The following FOXP1 variants were observed in gnomAD, a reference collection of about 807,000 sequenced individuals.
FOXP1 encodes the protein forkhead box protein P1.
FOXP1 carries 15 observed loss-of-function variants against 98.2 expected under a neutral mutation model. The ratio of observed to expected loss-of-function variants is 0.15; its 90% CI spans 0.10 to 0.24. FOXP1 has a LOEUF of 0.24. FOXP1 is among the 10% of genes least tolerant of loss of function. The pLI, the probability that FOXP1 is intolerant of heterozygous loss-of-function variation, is 1.00. For synonymous variants in FOXP1, 371 were observed against 314.5 expected (o/e 1.18, Z -1.90); for missense variants, 633 against 848.5 (o/e 0.75, Z 3.15).
chr3:71,492,132 C>T (rs370465036), intron 3 of FOXP1, among the ~76,000 whole-genome samples: 7 of 152,108 alleles, frequency 4.6e-5, no homozygotes, highest in African/African-American at 1.7e-4. Context: ...GGATAGGATC[C>T]TCTAACCTAC....
chr3:71,196,944 C>T (rs765908197), intron 6 of FOXP1, among the ~76,000 whole-genome samples: 2 of 152,310 alleles, frequency 1.3e-5, no homozygotes, highest in African/African-American at 2.4e-5. Flanking sequence ...TCCTTTCTTT[C>T]GCTTTGTTGC....
intron 2 of FOXP1, among the ~76,000 whole-genome samples, chr3:71,498,101 C>T (rs1171057233): frequency 2.0e-5 from 3 of 152,186 alleles, no homozygotes; most frequent in Non-Finnish European, 4.4e-5. Context: ...TGTGGCTACT[C>T]CAAATGCCAC....
intron 6 of FOXP1, among the ~76,000 whole-genome samples, chr3:71,148,999 G>C (rs1172110267): frequency 1.3e-5 from 2 of 152,232 alleles, no homozygotes; most frequent in African/African-American, 2.4e-5. Context: ...AGAGCTTGAA[G>C]GGTAAAGACA....
At chr3:71,170,244 A>AT (rs2061583845) in intron 6 of FOXP1, among the ~76,000 whole-genome samples, 3 of 152,192 alleles carry the variant, frequency 2.0e-5, no homozygotes, top group African/African-American at 7.2e-5. Flanking sequence ...ATTTAAAGTG[A>AT]ACTGCAAAAC....
chr3:71,425,542 G>A (rs2084082695), intron 3 of FOXP1, among the ~76,000 whole-genome samples: 1 of 152,012 alleles, frequency 6.6e-6, no homozygotes, highest in Admixed American at 6.6e-5. Context: ...TCAACTTCCT[G>A]GTGTATAACC....
At chr3:71,537,206 C>T (rs1263193044) in intron 2 of FOXP1, among the ~76,000 whole-genome samples, 4 of 152,168 alleles carry the variant, frequency 2.6e-5, no homozygotes, top group East Asian at 1.9e-4. Flanking sequence ...ATCTGCCTCC[C>T]GAAAGACAGA....
chr3:71,088,191 G>A (rs559786594), intron 7 of FOXP1, among the ~76,000 whole-genome samples: 15 of 152,206 alleles, frequency 9.9e-5, no homozygotes, highest in South Asian at 6.2e-4. Flanking sequence ...GCTCTTCCCC[G>A]AACCTGAAAC....
intron 12 of FOXP1, among the ~76,000 whole-genome samples, chr3:71,004,816 C>T (rs973176304): frequency 6.6e-6 from 1 of 152,048 alleles, no homozygotes; most frequent in Non-Finnish European, 1.5e-5. Context: ...GGAATATTTT[C>T]TTTTGGTCAC....
At chr3:71,348,522 CGTGTGT>C (rs772944612) in intron 4 of FOXP1, among the ~76,000 whole-genome samples, 2,080 of 69,984 alleles carry the variant, frequency 0.03, 51 homozygotes, top group African/African-American at 0.07. Context: ...TGTGTGTGTG[CGTGTGT>C]GTGTGTGTGT....
chr3:71,116,663 C>T (rs2058394712), intron 6 of FOXP1, among the ~76,000 whole-genome samples: 1 of 152,182 alleles, frequency 6.6e-6, no homozygotes, highest in African/African-American at 2.4e-5. Context: ...TGCCTTAGGT[C>T]TCAGCAGGAG....
chr3:70,961,033 A>C (rs1407763910), intron 20 of FOXP1, among the ~76,000 whole-genome samples: 1 of 151,520 alleles, frequency 6.6e-6, no homozygotes, highest in African/African-American at 2.4e-5. Context: ...TTTAGTAGAG[A>C]AGAGGTTTCA....
chr3:71,392,505 A>G (rs1306170551), intron 3 of FOXP1, among the ~76,000 whole-genome samples: 1 of 152,272 alleles, frequency 6.6e-6, no homozygotes, highest in African/African-American at 2.4e-5. Context: ...TCTATGCAGC[A>G]TAAATTTCAC....
At position 70,957,039 on chromosome 3, in the gene FOXP1, A is replaced by G. The variant is rs1003500504; in HGVS notation, c.*2208T>C. 1 of 222,672 alleles carries G rather than the reference A, an allele frequency of 4.5e-6. No individual in the cohort carries two copies. Among genetic ancestry groups the G allele is most frequent in the Non-Finnish European group, 9.0e-6 (1 of 111,582 alleles). 13.8% of individuals were successfully genotyped at this position (222,672 alleles called of 1,614,324 possible). ...AACAAAAGTGGCATACAATCTAAAA[A>G]TATCTCTTTTTCTAGAAATACTATT... On this transcript the variant is annotated 3_prime_UTR_variant, in exon 21 of 21. Transcript: ENST00000649528.
intron 3 of FOXP1, among the ~76,000 whole-genome samples, chr3:71,436,776 G>T (rs1368013618): frequency 6.6e-6 from 1 of 152,114 alleles, no homozygotes; most frequent in African/African-American, 2.4e-5. Flanking sequence ...CTTGGAGCCA[G>T]CCAGGCAAGT....
intron 4 of FOXP1, among the ~76,000 whole-genome samples, chr3:71,328,345 G>A (rs2076049952): frequency 6.6e-6 from 1 of 152,186 alleles, no homozygotes; most frequent in African/African-American, 2.4e-5. Context: ...CTGAAGAACT[G>A]TGCTCCACAC....
At chr3:71,086,492 T>C in intron 7 of FOXP1, among the ~76,000 whole-genome samples, 1 of 152,254 alleles carries the variant, frequency 6.6e-6, no homozygotes, top group East Asian at 1.9e-4. Context: ...ATAAATGTCA[T>C]GATAATTTTA....
At chr3:71,515,189 T>C (rs1253200168) in intron 2 of FOXP1, among the ~76,000 whole-genome samples, 1 of 152,120 alleles carries the variant, frequency 6.6e-6, no homozygotes, top group Non-Finnish European at 1.5e-5. Flanking sequence ...GTTGAATATA[T>C]AACCATGGCT....
At chr3:71,377,885 T>C (rs1442381722) in intron 3 of FOXP1, among the ~76,000 whole-genome samples, 1 of 152,178 alleles carries the variant, frequency 6.6e-6, no homozygotes, top group Non-Finnish European at 1.5e-5. Flanking sequence ...TCCTCAGAAT[T>C]TCCACAGTTT....
At chr3:71,415,690 T>C (rs1324826323) in intron 3 of FOXP1, among the ~76,000 whole-genome samples, 2 of 151,256 alleles carry the variant, frequency 1.3e-5, no homozygotes, top group African/African-American at 2.4e-5. Context: ...CATAACTCAA[T>C]CATTAGTTGC....
Sources: gnomAD v4.1 joint callset for allele counts (sites outside exome capture counted in the v4.1 genomes callset) on GRCh38, gnomAD v4.1.1 for gene constraint, MANE v1.5 for transcripts, NCBI Gene and HGNC (gene_info 2026-07-23, HGNC 2026-07-21) for gene names.